Variants in AGBL4 observed in about 807,000 individuals in gnomAD.
The protein encoded by AGBL4 is cytosolic carboxypeptidase 6.
In AGBL4, 58 loss-of-function variants were observed where a neutral mutation model predicts 66.4. The ratio of observed to expected loss-of-function variants is 0.87; its 90% CI spans 0.71 to 1.09. The LOEUF (loss-of-function observed/expected upper bound fraction) is 1.09. AGBL4 is among the 50% of genes least tolerant of loss of function. The pLI is 0.00. For missense variants in AGBL4, 579 were observed against 631.0 expected (o/e 0.92, Z 0.88); for synonymous variants, 234 against 222.9 (o/e 1.05, Z -0.44).
At chr1:49,691,030 T>C (rs150005097) in intron 3 of AGBL4, among the ~76,000 whole-genome samples, 1 of 152,166 alleles carries the variant, frequency 6.6e-6, no homozygotes, top group African/African-American at 2.4e-5. Context: ...ATGATGATGA[T>C]GATGATGATG....
intron 4 of AGBL4, among the ~76,000 whole-genome samples, chr1:49,185,723 A>C (rs541308125): frequency 6.6e-6 from 1 of 152,118 alleles, no homozygotes; most frequent in Non-Finnish European, 1.5e-5. Flanking sequence ...TTAGGGACTC[A>C]TTTTACTTGG....
chr1:48,936,597 G>A (rs1557479099), intron 5 of AGBL4, among the ~76,000 whole-genome samples: 1 of 152,150 alleles, frequency 6.6e-6, no homozygotes, highest in Non-Finnish European at 1.5e-5. Flanking sequence ...GAGTTCTTGA[G>A]GAAGGCTTGA....
At chr1:48,759,069 C>T (rs746717048) in intron 6 of AGBL4, 3 of 1,613,200 alleles carry the variant, frequency 1.9e-6, no homozygotes, top group Non-Finnish European at 2.5e-6. Context: ...CTTCCTGTTG[C>T]TGCTGGTAGT....
At chr1:48,681,522 T>C (rs1646454302) in intron 6 of AGBL4, among the ~76,000 whole-genome samples, 1 of 152,172 alleles carries the variant, frequency 6.6e-6, no homozygotes, top group Admixed American at 6.5e-5. Flanking sequence ...ACCACAGGAC[T>C]CCAGAGCCCT....
chr1:49,924,307 G>A (rs1257345790), intron 1 of AGBL4, among the ~76,000 whole-genome samples: 2 of 152,124 alleles, frequency 1.3e-5, no homozygotes. Context: ...AGAGTGGGAG[G>A]AGGGAGAGGA....
At chr1:49,443,036 T>A (rs148989138) in intron 3 of AGBL4, among the ~76,000 whole-genome samples, 6 of 152,242 alleles carry the variant, frequency 3.9e-5, no homozygotes, top group Non-Finnish European at 7.4e-5. Context: ...TTAGTGATGA[T>A]CATTTATTAA....
At chr1:49,666,306 T>C (rs1029285889) in intron 3 of AGBL4, among the ~76,000 whole-genome samples, 1 of 152,144 alleles carries the variant, frequency 6.6e-6, no homozygotes, top group Non-Finnish European at 1.5e-5. Context: ...GGCCCATGCA[T>C]GTAAGCCTAG....
intron 4 of AGBL4, among the ~76,000 whole-genome samples, chr1:49,184,871 T>C (rs1646987594): frequency 6.6e-6 from 1 of 152,118 alleles, no homozygotes; most frequent in African/African-American, 2.4e-5. Flanking sequence ...ACAATGAAAA[T>C]GTCCTATAAA....
At chr1:48,693,170 C>T (rs1646660053) in intron 6 of AGBL4, among the ~76,000 whole-genome samples, 1 of 152,196 alleles carries the variant, frequency 6.6e-6, no homozygotes, top group South Asian at 2.1e-4. Context: ...ATCTGTTTGT[C>T]CTTGCTTAAT....
At chr1:49,583,374 G>A (rs752770469) in intron 3 of AGBL4, among the ~76,000 whole-genome samples, 56 of 152,236 alleles carry the variant, frequency 3.7e-4, no homozygotes, top group East Asian at 1.2e-3. Flanking sequence ...CATCTGTATC[G>A]TCTATCATAT....
At chr1:49,758,278 G>T (rs1652044071) in intron 2 of AGBL4, among the ~76,000 whole-genome samples, 1 of 152,154 alleles carries the variant, frequency 6.6e-6, no homozygotes, top group Admixed American at 6.5e-5. Context: ...CTGTGGGTAG[G>T]GAGAGCTCTC....
chr1:48,921,749 T>C (rs940072186), intron 5 of AGBL4, among the ~76,000 whole-genome samples: 5 of 152,204 alleles, frequency 3.3e-5, no homozygotes, highest in Non-Finnish European at 5.9e-5. Flanking sequence ...CTTTCCCATG[T>C]CGTGCAGCTT....
intron 3 of AGBL4, among the ~76,000 whole-genome samples, chr1:49,629,407 TCTTC>T (rs1645526381): frequency 6.6e-6 from 1 of 152,194 alleles, no homozygotes; most frequent in South Asian, 2.1e-4. Flanking sequence ...CTCCACTTGG[TCTTC>T]CTTCCTCACT....
intron 6 of AGBL4, chr1:48,761,280 T>G (rs1252568459): frequency 6.7e-7 from 1 of 1,498,828 alleles, no homozygotes; most frequent in Non-Finnish European, 9.0e-7. Flanking sequence ...ACTCTTTAGC[T>G]ACGAGATATC....
At chr1:49,987,709 A>T (rs1367863668) in intron 1 of AGBL4, among the ~76,000 whole-genome samples, 1 of 152,036 alleles carries the variant, frequency 6.6e-6, no homozygotes, top group Non-Finnish European at 1.5e-5. Flanking sequence ...AAATTTTTAT[A>T]AAAGTTGTTA....
At chr1:49,490,603 C>T (rs1418022063) in intron 3 of AGBL4, among the ~76,000 whole-genome samples, 1 of 151,702 alleles carries the variant, frequency 6.6e-6, no homozygotes, top group Non-Finnish European at 1.5e-5. Flanking sequence ...TGTCAGAGAA[C>T]ATAAAAGCCA....
At chr1:49,268,279 T>A (rs1643969898) in intron 3 of AGBL4, 1 of 152,120 alleles carries the variant, frequency 6.6e-6, no homozygotes, top group Non-Finnish European at 1.5e-5. Flanking sequence ...TCTGTTTTTT[T>A]AAATGGGCTA....
At chr1:49,410,773 A>C (rs1209404948) in intron 3 of AGBL4, among the ~76,000 whole-genome samples, 1 of 152,174 alleles carries the variant, frequency 6.6e-6, no homozygotes, top group Non-Finnish European at 1.5e-5. Flanking sequence ...CATCTGTAAA[A>C]TCTCTGATAC....
intron 5 of AGBL4, among the ~76,000 whole-genome samples, chr1:48,904,750 G>T (rs1652421870): frequency 1.3e-5 from 2 of 152,128 alleles, no homozygotes; most frequent in African/African-American, 2.4e-5. Flanking sequence ...AACAATATTA[G>T]CAATAATTAT....
Sources: gnomAD v4.1 joint callset for allele counts (sites outside exome capture counted in the v4.1 genomes callset) on GRCh38, gnomAD v4.1.1 for gene constraint, MANE v1.5 for transcripts, NCBI Gene and HGNC (gene_info 2026-07-23, HGNC 2026-07-21) for gene names.